EIF4G3: variants seen among roughly 807,000 people sequenced by gnomAD.
EIF4G3 encodes eIF-4-gamma 3.
EIF4G3 carries 34 observed loss-of-function variants against 186.4 expected under a neutral mutation model. The observed-to-expected ratio is 0.18, with a 90% CI of 0.14 to 0.24. The LOEUF (loss-of-function observed/expected upper bound fraction) is 0.24. EIF4G3 is among the 10% of genes least tolerant of loss of function. The probability of loss-of-function intolerance (pLI) is 1.00; values close to 1 mark genes in which losing one functional copy is unlikely to be tolerated. For missense variants in EIF4G3, 1,536 were observed against 1,948.5 expected, an observed-to-expected ratio of 0.79 and a Z score of 3.99; for synonymous variants, 673 against 679.5, an observed-to-expected ratio of 0.99 and a Z score of 0.15.
intron 2 of EIF4G3, among the ~76,000 whole-genome samples, chr1:21,121,204 A>G (rs2096919336): frequency 6.6e-6 from 1 of 152,194 alleles, no homozygotes; most frequent in Non-Finnish European, 1.5e-5. Context: ...CTAAAATGGT[A>G]TTCTTAACAA....
At chr1:21,019,603 C>A (rs900094028) in intron 4 of EIF4G3, among the ~76,000 whole-genome samples, 1 of 152,188 alleles carries the variant, frequency 6.6e-6, no homozygotes, top group Non-Finnish European at 1.5e-5. Flanking sequence ...ATTTTCTCAT[C>A]TCATAGAGCA....
intron 4 of EIF4G3, among the ~76,000 whole-genome samples, chr1:21,009,693 C>T (rs1392228257): frequency 6.6e-6 from 1 of 151,906 alleles, no homozygotes; most frequent in Non-Finnish European, 1.5e-5. Context: ...TTTGCTCTGT[C>T]GCCCAGGCTG....
At chr1:20,975,726 TAGTTA>T (rs1225647691) in intron 10 of EIF4G3, among the ~76,000 whole-genome samples, 13 of 151,988 alleles carry the variant, frequency 8.6e-5, no homozygotes, top group East Asian at 5.8e-4. Flanking sequence ...ATTTATTAAT[TAGTTA>T]AGTTAATTAA....
chr1:20,993,218 T>C (rs1013809758), intron 7 of EIF4G3, among the ~76,000 whole-genome samples: 1 of 152,158 alleles, frequency 6.6e-6, no homozygotes, highest in Non-Finnish European at 1.5e-5. Context: ...GCACTTGATT[T>C]GTGGGGACTC....
chr1:20,913,020 G>A (rs996725817), intron 14 of EIF4G3, among the ~76,000 whole-genome samples: 2 of 152,216 alleles, frequency 1.3e-5, no homozygotes, highest in African/African-American at 2.4e-5. Context: ...ATGTAAGAAT[G>A]ATGGGCCACT....
intron 2 of EIF4G3, among the ~76,000 whole-genome samples, chr1:21,124,051 G>T (rs1022353161): frequency 6.6e-6 from 1 of 152,146 alleles, no homozygotes; most frequent in African/African-American, 2.4e-5. Context: ...AGCACTTTGG[G>T]AGGCCGAGGC....
intron 14 of EIF4G3, among the ~76,000 whole-genome samples, chr1:20,917,994 C>T (rs970106285): frequency 6.6e-6 from 1 of 152,010 alleles, no homozygotes; most frequent in Non-Finnish European, 1.5e-5. Context: ...AGTGGGATTC[C>T]AAGGGCTTTT....
intron 2 of EIF4G3, among the ~76,000 whole-genome samples, chr1:21,153,502 G>A (rs1026866214): frequency 1.3e-5 from 2 of 152,198 alleles, no homozygotes; most frequent in African/African-American, 4.8e-5. Context: ...TACTATGGTT[G>A]TTTAGGGGCT....
At chr1:20,962,306 G>T (rs1214470977) in intron 12 of EIF4G3, among the ~76,000 whole-genome samples, 1 of 152,058 alleles carries the variant, frequency 6.6e-6, no homozygotes, top group African/African-American at 2.4e-5. Flanking sequence ...CAGTATGTAT[G>T]TTTTATATAT....
In EIF4G3 at chr1:20,922,760, A is replaced by C. The variant is rs79200889; in HGVS notation, c.1664-17789T>G. On this transcript the variant is annotated intron_variant, in intron 14 of 36. Transcript: ENST00000602326. ...AGTGTGCACCCTTGCTACTCTACAC[A>C]ATCAAAGACTTGGATACAAGCTAAG... 4.1e-3 allele frequency among the ~76,000 whole-genome samples: 618 copies of C among 152,334 alleles called. 7 individuals carry two copies. Among genetic ancestry groups the C allele is most frequent in the African/African-American group, 0.014 (579 of 41,564 alleles).
intron 3 of EIF4G3, 60 bp from the exon 4 acceptor site, chr1:21,051,054 C>T (rs2094183705): frequency 1.4e-6 from 1 of 707,126 alleles, no homozygotes; most frequent in East Asian, 2.7e-5. Flanking sequence ...TTAATAAATA[C>T]AGCTGAACTA....
At chr1:21,157,399 G>A (rs1328805754) in intron 2 of EIF4G3, among the ~76,000 whole-genome samples, 1 of 150,864 alleles carries the variant, frequency 6.6e-6, no homozygotes, top group African/African-American at 2.4e-5. Flanking sequence ...AGAAGATCTT[G>A]CTCTCTTTCT....
intron 18 of EIF4G3, among the ~76,000 whole-genome samples, chr1:20,886,582 C>T (rs1010013451): frequency 1.8e-4 from 28 of 152,236 alleles, no homozygotes; most frequent in Admixed American, 7.2e-4. Context: ...AACTTTTGAA[C>T]AAGAGGCCTT....
chr1:21,104,541 G>A (rs906782426), intron 2 of EIF4G3, among the ~76,000 whole-genome samples: 3 of 152,104 alleles, frequency 2.0e-5, no homozygotes, highest in Non-Finnish European at 2.9e-5. Context: ...TACCAGTCAC[G>A]ATGGCCATTA....
intron 2 of EIF4G3, among the ~76,000 whole-genome samples, chr1:21,150,944 C>T (rs1367776921): frequency 1.3e-5 from 2 of 152,264 alleles, no homozygotes; most frequent in Non-Finnish European, 2.9e-5. Context: ...CCACTGCACT[C>T]CAGGCTGGGC....
intron 9 of EIF4G3, 47 bp downstream of exon 9, chr1:20,981,001 A>T (rs745989345): frequency 2.9e-4 from 413 of 1,415,420 alleles, no homozygotes; most frequent in Non-Finnish European, 3.5e-4. Context: ...AATCCGGGTT[A>T]ATTTCCACTC....
At chr1:21,061,634 G>A (rs2094917682) in intron 3 of EIF4G3, among the ~76,000 whole-genome samples, 1 of 151,906 alleles carries the variant, frequency 6.6e-6, no homozygotes, top group Non-Finnish European at 1.5e-5. Context: ...ATGGCAAAAG[G>A]CAAAGCTAAA....
At chr1:20,879,568 T>C (rs752609430) in intron 19 of EIF4G3, 48 bp from the exon 20 acceptor site, 1 of 1,164,640 alleles carries the variant, frequency 8.6e-7, no homozygotes, top group Non-Finnish European at 1.1e-6. Context: ...ACTGTGACAA[T>C]ATGGTGCTTT....
rs1344943080 is a variant in EIF4G3, at chr1:20,892,657, C to T, written c.2253+860G>A. On this transcript the variant is annotated intron_variant, in intron 18 of 36. Coordinates refer to ENST00000602326, the MANE Select transcript of EIF4G3 (RefSeq NM_001391906.1). ...CTCTTCATGGGTGGGTGTGACATCA[C>T]CAGTGGAGGGCAAGTTGGGGCTTTG... is the stretch of plus-strand genomic sequence containing the variant. 6 of 1,535,906 alleles carry T rather than the reference C, an allele frequency of 3.9e-6. No individual in the cohort carries two copies. The highest frequency in any genetic ancestry group is 5.2e-6 in the Non-Finnish European group (6 of 1,146,870).
Sources: gnomAD v4.1 joint callset for allele counts (sites outside exome capture counted in the v4.1 genomes callset) on GRCh38, gnomAD v4.1.1 for gene constraint, MANE v1.5 for transcripts, NCBI Gene and HGNC (gene_info 2026-07-23, HGNC 2026-07-21) for gene names.